The following FBF1 variants were observed in gnomAD, a reference collection of about 807,000 sequenced individuals.
The protein encoded by FBF1 is Fas binding factor 1, also known as fas-binding factor 1.
In FBF1, 119 loss-of-function variants were observed where a neutral mutation model predicts 147.2. The ratio of observed to expected loss-of-function variants is 0.81; its 90% CI spans 0.70 to 0.94. The LOEUF is 0.94. Among genes scored for constraint, FBF1 ranks in the 40% least tolerant of loss-of-function variants. FBF1 has a pLI of 0.00. For synonymous variants in FBF1, 601 were observed against 609.0 expected (o/e 0.99, Z 0.19); for missense variants, 1,449 against 1,500.8 (o/e 0.97, Z 0.57).
chr17:75,917,761 G>A lies in FBF1; in HGVS notation c.2476C>T (p.Leu826=). 1 of 1,607,880 alleles carries A rather than the reference G, an allele frequency of 6.2e-7. No homozygotes were observed. Among genetic ancestry groups the A allele is most frequent in the East Asian group, 2.2e-5 (1 of 44,716 alleles). ...QEVIGKMEAR[L]NEQSRLLEQE... Reference sequence around the variant, plus strand: ...TCCAGCAGCCGGCTCTGCTCATTCAGCCGTGCCTCCATCTTCCCGATGACC... The same window carrying A: ...TCCAGCAGCCGGCTCTGCTCATTCAACCGTGCCTCCATCTTCCCGATGACC... Residue 826 remains leucine (L), a synonymous_variant, in exon 23 of 30, where the codon CTG becomes TTG. Transcript: ENST00000636174.
chr17:75,937,070 T>C (rs1174595480), intron 3 of FBF1, among the ~76,000 whole-genome samples: 3 of 152,170 alleles, frequency 2.0e-5, no homozygotes, highest in Admixed American at 2.0e-4. Context: ...CAAAACCTCA[T>C]ATCTTATTTA....
chr17:75,918,315 C>G lies in FBF1; in HGVS notation c.2139-46G>C, dbSNP rs2065502486. The stretch of plus-strand genomic sequence containing the variant: ...AAGGCGGTCACTCTGAGCTGGATCA[C>G]CCTGATGCGGTAACTCCTTGTGGAA... On this transcript the variant is annotated intron_variant, in intron 20 of 29. Coordinates refer to ENST00000636174, the MANE Select transcript of FBF1 (RefSeq NM_001319193.2). This position sits in a 1 kb window ranked among gnomAD's most constrained non-coding sequence, Gnocchi z 5.8. The G allele has an allele frequency of 6.6e-7, 1 of 1,515,164 alleles. No homozygotes were observed. The highest frequency in any genetic ancestry group is 9.1e-7 in the Non-Finnish European group (1 of 1,101,580). The allele number at this position is 1,515,164 out of a possible 1,614,324, so 93.9% of individuals were successfully genotyped here.
At chr17:75,914,473 C>T in intron 25 of FBF1, 175 bp from the exon 26 acceptor site, 3 of 1,035,764 alleles carry the variant, frequency 2.9e-6, no homozygotes, top group Non-Finnish European at 4.1e-6. Context: ...CCTCACAAGC[C>T]ACGTGACTGT....
Position 75,926,790 on chromosome 17 carries a change from G to C in FBF1, c.563C>G (p.Ser188Cys), listed in dbSNP as rs1406803309. 1 of 1,613,908 alleles carries C rather than the reference G, an allele frequency of 6.2e-7. No homozygotes were observed. Among genetic ancestry groups the C allele is most frequent in the East Asian group, 2.2e-5 (1 of 44,880 alleles). The change falls in exon 10 of 30, where the codon TCT becomes TGT. Residue 188 changes from serine to cysteine, a missense_variant. Transcript: ENST00000636174. Reference protein sequence around the residue: ...QPPVTQSKTASDKSPSTVRDQ... With the variant: ...QPPVTQSKTACDKSPSTVRDQ... ...TCTCACTGTGCTGGGGCTCTTGTCAGAAGCTGTTTTACTCTGTGTCACAGG... is the reference window on the plus strand; with the variant it reads ...TCTCACTGTGCTGGGGCTCTTGTCACAAGCTGTTTTACTCTGTGTCACAGG...
intron 15 of FBF1, 76 bp from the exon 16 acceptor site, chr17:75,921,636 A>T: frequency 8.8e-6 from 2 of 227,986 alleles, no homozygotes; most frequent in Non-Finnish European, 1.5e-5. Flanking sequence ...GGCAGCCTCT[A>T]GGTGGGACAT....
chr17:75,914,553 A>G (rs1599480817), intron 25 of FBF1, 194 bp downstream of exon 25: 1 of 831,866 alleles, frequency 1.2e-6, no homozygotes, highest in East Asian at 2.7e-5. Flanking sequence ...ATGAGGATCA[A>G]ATAAAATGTG....
At chr17:75,940,617 A>G (rs1167818861) in intron 1 of FBF1, 1 of 153,512 alleles carries the variant, frequency 6.5e-6, no homozygotes, top group African/African-American at 2.4e-5. Context: ...GTCCCATAAC[A>G]CATCAAGGAA....
intron 6 of FBF1, among the ~76,000 whole-genome samples, chr17:75,930,850 G>A (rs1437156526): frequency 1.3e-5 from 2 of 152,238 alleles, no homozygotes; most frequent in Admixed American, 1.3e-4. Flanking sequence ...TGAACCAGGA[G>A]GCGGAGATTG....
At position 75,912,368 on chromosome 17, in the gene FBF1, A is replaced by G. The variant is rs2065461350; in HGVS notation, c.3248-61T>C. On this transcript the variant is annotated intron_variant, in intron 28 of 29. Transcript: ENST00000636174. ...GTTGGTGGAAATACCGGGCGGTCAC[A>G]GCTTGTTCCTGCAGAGCTGCTCCCC... The G allele has an allele frequency of 5.3e-6, 7 of 1,319,188 alleles. No homozygotes were observed. In the East Asian group the frequency reaches 1.8e-4, roughly 34 times the overall value. 81.7% of individuals were successfully genotyped at this position (1,319,188 alleles called of 1,614,324 possible).
Position 75,928,017 on chromosome 17 carries a change from T to C in FBF1, c.397+59A>G. The C allele has an allele frequency of 7.2e-7, 1 of 1,384,750 alleles. No homozygotes were observed. Among genetic ancestry groups the C allele is most frequent in the Non-Finnish European group, 1.0e-6 (1 of 983,002 alleles). The allele number at this position is 1,384,750 out of a possible 1,614,324, so 85.8% of individuals were successfully genotyped here. On this transcript the variant is annotated intron_variant, in intron 8 of 29. Transcript: ENST00000636174. This position sits in a 1 kb window ranked among gnomAD's most constrained non-coding sequence, Gnocchi z 4.2. ...TAGCATCTTCCACGTCCTCAAAGTCTCCCTAGCAGATGCGAGGAGCCGTCT... is the reference window on the plus strand; with the variant it reads ...TAGCATCTTCCACGTCCTCAAAGTCCCCCTAGCAGATGCGAGGAGCCGTCT...
At position 75,923,204 on chromosome 17, in the gene FBF1, C is replaced by T; in HGVS notation, c.1406G>A (p.Gly469Asp). The T allele has an allele frequency of 6.3e-7, 1 of 1,585,872 alleles. No individual in the cohort carries two copies. Among genetic ancestry groups the T allele is most frequent in the Admixed American group, 1.8e-5 (1 of 55,976 alleles). Residue 469 changes from glycine to aspartate, a missense_variant, in exon 14 of 30, where the codon GGC (glycine) becomes GAC (aspartate). By Grantham distance (94) the Gly-to-Asp change is moderately conservative (BLOSUM62 -1). Transcript: ENST00000636174. The surrounding 1 kb of genome is among the most constrained non-coding windows in gnomAD (Gnocchi z 4.1). ...TCAGTACCTGCCAGAAGGGGGATGG[C>T]CCGCTGTCCCCGCCAAATGCAGGCC... Reference protein sequence around the residue: ...SEGLHLAGTAGHPPSGSQPLT... With the variant: ...SEGLHLAGTADHPPSGSQPLT...
intron 28 of FBF1, 51 bp from the exon 29 acceptor site, chr17:75,912,358 G>A (rs1417110771): frequency 3.5e-5 from 49 of 1,413,166 alleles, no homozygotes; most frequent in Middle Eastern, 1.9e-4. Flanking sequence ...TGGAAATACC[G>A]GGCGGTCACA....
chr17:75,930,113 A>C, intron 6 of FBF1, 66 bp from the exon 7 acceptor site: 116 of 1,309,586 alleles, frequency 8.9e-5, no homozygotes, highest in Non-Finnish European at 1.1e-4. Flanking sequence ...AATAAAACTC[A>C]GGGTCCTGGC....
At chr17:75,934,751 C>T (rs970605183) in intron 4 of FBF1, among the ~76,000 whole-genome samples, 1 of 150,682 alleles carries the variant, frequency 6.6e-6, no homozygotes, top group Non-Finnish European at 1.5e-5. Flanking sequence ...TGGTGGCGAG[C>T]GCCTGTAATC....
Position 75,941,020 on chromosome 17 carries a change from G to C in FBF1, c.-256C>G, listed in dbSNP as rs891275534. The stretch of plus-strand genomic sequence containing the variant: ...CAGGACTGGCCTCCCGCTTCCAGCC[G>C]CTGCCGGCACCCTCAGCCGTCTGGC... On this transcript the variant is annotated 5_prime_UTR_variant, in exon 1 of 30. Coordinates refer to ENST00000636174, the MANE Select transcript of FBF1 (RefSeq NM_001319193.2). 6.6e-6 allele frequency: 1 copy of C among 152,266 alleles called. No individual in the cohort carries two copies. The highest frequency in any genetic ancestry group is 6.5e-5 in the Admixed American group (1 of 15,284). 9.4% of individuals were successfully genotyped at this position (152,266 alleles called of 1,614,324 possible). A position where few individuals can be genotyped will look rare whatever the true frequency, so the allele number is the denominator to read the frequency against.
At position 75,922,156 on chromosome 17, in the gene FBF1, C is replaced by A; in HGVS notation, c.1425-110G>T. 1 of 828,310 alleles carries A rather than the reference C, an allele frequency of 1.2e-6. No homozygotes were observed. Among genetic ancestry groups the A allele is most frequent in the Non-Finnish European group, 1.9e-6 (1 of 523,010 alleles). 51.3% of individuals were successfully genotyped at this position (828,310 alleles called of 1,614,324 possible). On this transcript the variant is annotated intron_variant, in intron 14 of 29. Transcript: ENST00000636174. This position sits in a 1 kb window ranked among gnomAD's most constrained non-coding sequence, Gnocchi z 5.0. ...CGTGAAGCTCGTGGCCCCCCTTCCT[C>A]CTGCTTCCACCATCCCGTCTTGGGG...
At chr17:75,926,726 C>T in intron 10 of FBF1, 32 bp downstream of exon 10, 1 of 1,596,470 alleles carries the variant, frequency 6.3e-7, no homozygotes, top group Non-Finnish European at 8.5e-7. Flanking sequence ...AACTCTTCCT[C>T]CAGGATGGGA....
chr17:75,934,546 ACT>A (rs1474512702), intron 4 of FBF1, among the ~76,000 whole-genome samples: 2 of 138,874 alleles, frequency 1.4e-5, no homozygotes, highest in Non-Finnish European at 3.1e-5. Flanking sequence ...ACACAGTGAG[ACT>A]CTGTCTCAAA....
Position 75,931,252 on chromosome 17 carries a change from C to T in FBF1, c.205G>A (p.Gly69Ser). The change falls in exon 6 of 30, where the codon GGC (glycine) becomes AGC (serine). Residue 69 changes from glycine (G) to serine (S), a missense_variant. Gly to Ser is a moderately conservative substitution (Grantham distance 56). Transcript: ENST00000636174. ...LGDDVFSTMA[G>S]LEEADAEVSG... ...ACCTCAGCATCAGCTTCTTCCAGGC[C>T]TGCCATGGTGCTGAAGACATCATCA... 6.3e-7 allele frequency: 1 copy of T among 1,581,442 alleles called. No homozygotes were observed. Among genetic ancestry groups the T allele is most frequent in the Non-Finnish European group, 8.6e-7 (1 of 1,163,844 alleles).
Sources: allele counts gnomAD v4.1 joint callset (sites outside exome capture counted in the v4.1 genomes callset), GRCh38; gene constraint gnomAD v4.1.1; non-coding constraint Gnocchi (gnomAD v3.1); transcripts MANE v1.5; gene names NCBI Gene and HGNC (gene_info 2026-07-23, HGNC 2026-07-21).